PGAP3: variants seen among roughly 807,000 people sequenced by gnomAD.
PGAP3 encodes the protein post-GPI attachment to proteins phospholipase 3.
In PGAP3, 31 loss-of-function variants were observed where a neutral mutation model predicts 40.3. The ratio of observed to expected loss-of-function variants is 0.77; its 90% CI spans 0.58 to 1.04. The LOEUF (loss-of-function observed/expected upper bound fraction) is 1.04, where lower values mean the gene tolerates loss of function less well. PGAP3 is among the 50% of genes least tolerant of loss of function. The pLI is 0.00. For synonymous variants in PGAP3, 191 were observed against 184.5 expected, an observed-to-expected ratio of 1.04 and a Z score of -0.29; for missense variants, 413 against 423.0, an observed-to-expected ratio of 0.98 and a Z score of 0.21.
At position 39,684,767 on chromosome 17, in the gene PGAP3, G is replaced by A. The variant is rs952686293; in HGVS notation, c.280-18C>T. The A allele has an allele frequency of 2.5e-5, 40 of 1,575,358 alleles. No individual in the cohort carries two copies. The highest frequency in any genetic ancestry group is 3.4e-5 in the Non-Finnish European group (39 of 1,161,140). ...AAGGGCCACTGAAAAAGGAGCAGAT[G>A]AAGGAGGTTTGAAGGGCAGGCAACC... On this transcript the variant is annotated intron_variant, in intron 2 of 7. Transcript: ENST00000300658.
chr17:39,687,785 G>T, intron 1 of PGAP3, 49 bp downstream of exon 1: 1 of 1,298,102 alleles, frequency 7.7e-7, no homozygotes, highest in Non-Finnish European at 9.9e-7. Flanking sequence ...GGGCGCAGGG[G>T]GCGGGAGCAA....
Position 39,687,992 on chromosome 17 carries a change from A to C in PGAP3, c.23T>G (p.Leu8Trp). ...CGCCGCTGCCCCAGCTAGCAGGACCAACCGCGCCGCCAGGCCGGCCATCCT... is the reference window on the plus strand; with the variant it reads ...CGCCGCTGCCCCAGCTAGCAGGACCCACCGCGCCGCCAGGCCGGCCATCCT... Reference protein sequence around the residue: MAGLAARLVLLAGAAALA... With the variant: MAGLAARWVLLAGAAALA... The change falls in exon 1 of 8, where the codon TTG (leucine) becomes TGG (tryptophan). Residue 8 changes from leucine to tryptophan, a missense_variant. Physicochemically the swap from Leu to Trp is moderately conservative, Grantham distance 61. Transcript: ENST00000300658. 1 of 1,428,990 alleles carries C rather than the reference A, an allele frequency of 7.0e-7. No individual in the cohort carries two copies. Among genetic ancestry groups the C allele is most frequent in the Non-Finnish European group, 9.3e-7 (1 of 1,074,512 alleles). The allele number at this position is 1,428,990 out of a possible 1,614,324, so 88.5% of individuals were successfully genotyped here.
At chr17:39,672,953 GA>G (rs2057325418) in intron 7 of PGAP3, 87 bp from the exon 8 acceptor site, 6 of 1,580,096 alleles carry the variant, frequency 3.8e-6, no homozygotes, top group Middle Eastern at 1.7e-4. Flanking sequence ...GGCAAGGTGG[GA>G]GGGGGCGGAT....
chr17:39,680,487 T>G (rs897606113), intron 3 of PGAP3, among the ~76,000 whole-genome samples: 4 of 152,136 alleles, frequency 2.6e-5, no homozygotes, highest in African/African-American at 9.7e-5. Context: ...CCTGACCTCC[T>G]TCCCACGCCC....
chr17:39,687,794 A>G, intron 1 of PGAP3, 40 bp downstream of exon 1: 2 of 1,326,246 alleles, frequency 1.5e-6, no homozygotes, highest in Non-Finnish European at 2.0e-6. Flanking sequence ...GGGCGGGAGC[A>G]AGACAAATGG....
chr17:39,675,356 C>T (rs898707384), intron 3 of PGAP3, among the ~76,000 whole-genome samples: 6 of 152,218 alleles, frequency 3.9e-5, no homozygotes, highest in Non-Finnish European at 7.3e-5. Context: ...AAATTAGCTG[C>T]GTGGAGAGAG....
intron 3 of PGAP3, among the ~76,000 whole-genome samples, chr17:39,680,098 A>C (rs2057421369): frequency 6.6e-6 from 1 of 152,060 alleles, no homozygotes; most frequent in African/African-American, 2.4e-5. Flanking sequence ...GGGGCAGGGG[A>C]TTCAGCCTCC....
chr17:39,684,520 G>A (rs2057482919), intron 3 of PGAP3, 77 bp downstream of exon 3: 3 of 1,453,010 alleles, frequency 2.1e-6, no homozygotes, highest in Non-Finnish European at 9.3e-7. Flanking sequence ...TAGAAGCCCT[G>A]TTGGGTGTTA....
intron 3 of PGAP3, among the ~76,000 whole-genome samples, chr17:39,681,175 G>T (rs371133676): frequency 3.9e-5 from 6 of 152,176 alleles, no homozygotes; most frequent in Admixed American, 2.0e-4. Context: ...CTCCATCACT[G>T]TCTTATAAGC....
rs775187703 is a variant in PGAP3, at chr17:39,687,964, C to T, written c.51G>A (p.Leu17=). The change falls in exon 1 of 8, where the codon CTG becomes CTA. Residue 17 remains leucine (L), a synonymous_variant. Coordinates refer to ENST00000300658, the MANE Select transcript of PGAP3 (RefSeq NM_033419.5). ...CACGGTCGCCCTGGGAGCCGCTCGC[C>T]AGCGCCGCTGCCCCAGCTAGCAGGA... ...RLVLLAGAAA[L]ASGSQGDREP... 2.7e-6 allele frequency: 4 copies of T among 1,472,496 alleles called. No individual in the cohort carries two copies. In the East Asian group the frequency reaches 8.2e-5, roughly 30 times the overall value. The allele number at this position is 1,472,496 out of a possible 1,614,324, so 91.2% of individuals were successfully genotyped here.
intron 6 of PGAP3, 70 bp from the exon 7 acceptor site, chr17:39,673,325 A>G (rs1361014396): frequency 6.4e-7 from 1 of 1,559,054 alleles, no homozygotes; most frequent in Non-Finnish European, 8.7e-7. Context: ...CCCCAACTCC[A>G]TGCTCTCTGA....
Position 39,673,648 on chromosome 17 carries a change from G to A in PGAP3, c.560C>T (p.Thr187Ile), listed in dbSNP as rs745713528. 5 of 1,613,736 alleles carry A rather than the reference G, an allele frequency of 3.1e-6. No individual in the cohort carries two copies. Among genetic ancestry groups the A allele is most frequent in the Admixed American group, 3.3e-5 (2 of 59,992 alleles). The change falls in exon 6 of 8, where the codon ACC becomes ATC. Residue 187 changes from threonine (T) to isoleucine (I), a missense_variant and splice_region_variant. By Grantham distance (89) the Thr-to-Ile change is moderately conservative. Transcript: ENST00000300658. ...LHSIYLCCVR[T>I]VGLQHPAVVS... ...CACAGCTGGGTGCTGCAGCCCCACG[G>A]TCCTGCCCCACCGTCCAGGGTTGCT... is the stretch of plus-strand genomic sequence containing the variant.
intron 2 of PGAP3, chr17:39,685,004 G>T (rs979809304): frequency 4.7e-6 from 2 of 424,388 alleles, no homozygotes; most frequent in Non-Finnish European, 8.4e-6. Context: ...GATGGGTCAG[G>T]GTAGATGACT....
intron 1 of PGAP3, among the ~76,000 whole-genome samples, chr17:39,686,551 C>T (rs1052259907): frequency 3.7e-5 from 5 of 133,336 alleles, no homozygotes; most frequent in African/African-American, 8.2e-5. Context: ...CCACCGCACC[C>T]GGCATTTTTT....
chr17:39,673,303 C>A, intron 6 of PGAP3, 48 bp from the exon 7 acceptor site: 2 of 1,557,090 alleles, frequency 1.3e-6, no homozygotes, highest in South Asian at 2.3e-5. Context: ...GGCTCCTTCT[C>A]CCCAAGGCCA....
Position 39,687,817 on chromosome 17 carries a change from G to A in PGAP3, c.181+17C>T, listed in dbSNP as rs1041059830. On this transcript the variant is annotated intron_variant, in intron 1 of 7. Coordinates refer to ENST00000300658, the MANE Select transcript of PGAP3 (RefSeq NM_033419.5). ...GCAAGACAAATGGGCGGGGCTTACC[G>A]TGGGGGTGGGGCTTACCTGCTAGAC... 6 of 1,386,842 alleles carry A rather than the reference G, an allele frequency of 4.3e-6. No homozygotes were observed. In the African/African-American group the frequency reaches 7.3e-5, roughly 17 times the overall value. The allele number at this position is 1,386,842 out of a possible 1,614,324, so 85.9% of individuals were successfully genotyped here. A position where few individuals can be genotyped will look rare whatever the true frequency, so the allele number is the denominator to read the frequency against.
At chr17:39,686,898 AG>A (rs1234301508) in intron 1 of PGAP3, among the ~76,000 whole-genome samples, 1 of 152,166 alleles carries the variant, frequency 6.6e-6, no homozygotes, top group African/African-American at 2.4e-5. Flanking sequence ...TCCTGAATAT[AG>A]GATTTGCTCT....
intron 2 of PGAP3, 122 bp from the exon 3 acceptor site, chr17:39,684,871 C>T (rs1201140438): frequency 1.2e-5 from 15 of 1,258,684 alleles, no homozygotes; most frequent in Non-Finnish European, 1.5e-5. Flanking sequence ...TGGAGTTTGG[C>T]CAAAGCCTCA....
rs2145092809 is a variant in PGAP3 at position 39,672,106 on chromosome 17, C to T, written c.*697G>A. ...CTCACGGCCCTGTCACCTATGCACT[C>T]AGCCTGGCCCACACTCCCGACACAC... On this transcript the variant is annotated 3_prime_UTR_variant, in exon 8 of 8. Coordinates refer to ENST00000300658, the MANE Select transcript of PGAP3 (RefSeq NM_033419.5). The T allele has an allele frequency of 6.5e-6, 1 of 154,000 alleles. No individual in the cohort carries two copies. Among genetic ancestry groups the T allele is most frequent in the Admixed American group, 6.5e-5 (1 of 15,492 alleles). The allele number at this position is 154,000 out of a possible 1,614,324, so 9.5% of individuals were successfully genotyped here.
Sources: gnomAD v4.1 joint callset for allele counts (sites outside exome capture counted in the v4.1 genomes callset) on GRCh38, gnomAD v4.1.1 for gene constraint, MANE v1.5 for transcripts, NCBI Gene and HGNC (gene_info 2026-07-23, HGNC 2026-07-21) for gene names.